Variants in BCAS3 observed in about 807,000 individuals in gnomAD.
The protein encoded by BCAS3 is BCAS3 microtubule associated cell migration factor.
In BCAS3, 53 loss-of-function variants were observed where a neutral mutation model predicts 116.1. The observed-to-expected ratio is 0.46, with a 90% CI of 0.37 to 0.57. The LOEUF is 0.57. BCAS3 is among the 20% of genes least tolerant of loss of function. The pLI is 0.00. For synonymous variants in BCAS3, 391 were observed against 408.2 expected (o/e 0.96, Z 0.51); for missense variants, 917 against 1,165.4 (o/e 0.79, Z 3.10).
intron 22 of BCAS3, among the ~76,000 whole-genome samples, chr17:61,148,282 C>T (rs2077354739): frequency 1.3e-5 from 2 of 152,302 alleles, no homozygotes; most frequent in African/African-American, 4.8e-5. Flanking sequence ...TTGGAGCCAA[C>T]TCATTTTATT....
chr17:61,321,674 A>T (rs1042488092), intron 22 of BCAS3, among the ~76,000 whole-genome samples: 1 of 152,086 alleles, frequency 6.6e-6, no homozygotes. Flanking sequence ...ATCATCAGGG[A>T]TTCTTCACAA....
In BCAS3 at chr17:61,128,374, AT is replaced by A. The variant is rs1223856140; in HGVS notation, c.2425+43813del. The A allele has an allele frequency of 2.0e-6, 2 of 985,438 alleles. No homozygotes were observed. Among genetic ancestry groups the A allele is most frequent in the Admixed American group, 1.2e-4 (2 of 16,286 alleles). 61.0% of individuals were successfully genotyped at this position (985,438 alleles called of 1,614,324 possible). A position where few individuals can be genotyped will look rare whatever the true frequency, so the allele number is the denominator to read the frequency against. On this transcript the variant is annotated intron_variant, in intron 22 of 23. Coordinates refer to ENST00000407086, the MANE Select transcript of BCAS3 (RefSeq NM_017679.5). The surrounding 1 kb of genome is among the most constrained non-coding windows in gnomAD (Gnocchi z 4.1). ...TCTTATTTGTTTGATGTACAGGCTT[AT>A]TTAAGTGAAAGGTGGGACACCAGTA... is the stretch of plus-strand genomic sequence containing the variant.
In BCAS3 at chr17:61,271,196, C is replaced by T. The variant is rs552306232; in HGVS notation, c.2426-97131C>T. Among the ~76,000 whole-genome samples, 176 of 135,414 alleles carry T rather than the reference C, an allele frequency of 1.3e-3. No homozygotes were observed. The South Asian group carries it at 0.02, about 16-fold the overall frequency. 88.8% of individuals were successfully genotyped at this position (135,414 alleles called of 152,430 possible). A position where few individuals can be genotyped will look rare whatever the true frequency, so the allele number is the denominator to read the frequency against. On this transcript the variant is annotated intron_variant, in intron 22 of 23. Coordinates refer to ENST00000407086, the MANE Select transcript of BCAS3 (RefSeq NM_017679.5). The stretch of plus-strand genomic sequence containing the variant: ...AGGCTGGAGTACAGTGGCACCATCT[C>T]GGTTCACTGCAACCTCTGCCTCCTG...
At chr17:60,798,646 A>G (rs189159025) in intron 6 of BCAS3, among the ~76,000 whole-genome samples, 16 of 152,340 alleles carry the variant, frequency 1.1e-4, no homozygotes, top group Middle Eastern at 3.4e-3. Flanking sequence ...TGTCATAAAC[A>G]TTGTGTGCAG....
intron 19 of BCAS3, among the ~76,000 whole-genome samples, chr17:61,059,054 T>C (rs2069690652): frequency 1.4e-5 from 2 of 142,842 alleles, no homozygotes; most frequent in Non-Finnish European, 1.5e-5. Flanking sequence ...AACTCTTTTT[T>C]CTCCCCATCT....
chr17:60,726,391 G>A (rs1003453861), intron 5 of BCAS3, among the ~76,000 whole-genome samples: 1 of 148,174 alleles, frequency 6.7e-6, no homozygotes, highest in Non-Finnish European at 1.5e-5. Context: ...GTGGAGACAG[G>A]GTTTCTCCAT....
intron 7 of BCAS3, among the ~76,000 whole-genome samples, chr17:60,825,636 C>T (rs1027262160): frequency 2.7e-5 from 4 of 150,376 alleles, no homozygotes; most frequent in East Asian, 1.9e-4. Context: ...AAGGCAGTGG[C>T]AGGTTTGGTG....
intron 6 of BCAS3, among the ~76,000 whole-genome samples, chr17:60,791,927 A>G (rs1435305994): frequency 2.0e-5 from 3 of 152,086 alleles, no homozygotes; most frequent in East Asian, 3.9e-4. Context: ...GTTCAAGACC[A>G]GCCTGGCCAA....
At chr17:61,305,572 A>G (rs1416334599) in intron 22 of BCAS3, among the ~76,000 whole-genome samples, 1 of 152,220 alleles carries the variant, frequency 6.6e-6, no homozygotes. Flanking sequence ...TCTGCTCAGA[A>G]GAGCCACTAG....
rs972849706 is a variant in BCAS3 at position 61,097,768 on chromosome 17, A to G, written c.2425+13204A>G. Among the ~76,000 whole-genome samples the G allele has an allele frequency of 2.6e-5, 4 of 152,240 alleles. No individual in the cohort carries two copies. The highest frequency in any genetic ancestry group is 5.9e-5 in the Non-Finnish European group (4 of 68,044). ...ATCAAGGTCCATTTTAGCAATAGTC[A>G]AAGAACAGGACTTAGGACACCTAGC... On this transcript the variant is annotated intron_variant, in intron 22 of 23. Coordinates refer to ENST00000407086, the MANE Select transcript of BCAS3 (RefSeq NM_017679.5). This position sits in a 1 kb window ranked among gnomAD's most constrained non-coding sequence, Gnocchi z 4.0.
intron 6 of BCAS3, among the ~76,000 whole-genome samples, chr17:60,806,983 T>C (rs576170231): frequency 2.0e-5 from 3 of 152,286 alleles, no homozygotes; most frequent in African/African-American, 4.8e-5. Flanking sequence ...ACTCTGGATA[T>C]TCTTGTATTA....
chr17:60,963,641 C>T lies in BCAS3; in HGVS notation c.1221+16289C>T, dbSNP rs576945535. Among the ~76,000 whole-genome samples the T allele has an allele frequency of 4.0e-5, 6 of 151,322 alleles. No individual in the cohort carries two copies. In the East Asian group the frequency reaches 7.8e-4, roughly 20 times the overall value. On this transcript the variant is annotated intron_variant, in intron 14 of 23. Transcript: ENST00000407086. ...CGCAATCTCAGCTCACTGCAAGCTC[C>T]GCCTCCCAGGTTCATGCCATTCTCC...
At chr17:60,898,388 T>C (rs749518222) in intron 10 of BCAS3, among the ~76,000 whole-genome samples, 3 of 152,222 alleles carry the variant, frequency 2.0e-5, no homozygotes, top group African/African-American at 4.8e-5. Context: ...GATATATCTA[T>C]AGTACTGGTT....
Position 61,228,556 on chromosome 17 carries a change from T to A in BCAS3, c.2426-139771T>A, listed in dbSNP as rs950596638. ...CATGTGCTCACTTCGTGTCTCTGTG[T>A]CATACTATGGTAATTGTCACCAGCT... On this transcript the variant is annotated intron_variant, in intron 22 of 23. Coordinates refer to ENST00000407086, the MANE Select transcript of BCAS3 (RefSeq NM_017679.5). The surrounding 1 kb of genome is among the most constrained non-coding windows in gnomAD (Gnocchi z 5.0). Among the ~76,000 whole-genome samples the A allele has an allele frequency of 3.3e-5, 5 of 152,252 alleles. No individual in the cohort carries two copies. The highest frequency in any genetic ancestry group is 1.2e-4 in the African/African-American group (5 of 41,472).
At chr17:60,776,571 T>C (rs2045305932) in intron 6 of BCAS3, among the ~76,000 whole-genome samples, 1 of 151,222 alleles carries the variant, frequency 6.6e-6, no homozygotes, top group South Asian at 2.1e-4. Context: ...ATACAAAAAT[T>C]AGCCAGGCAT....
intron 15 of BCAS3, chr17:61,002,769 G>A (rs1163340022): frequency 1.3e-5 from 2 of 151,972 alleles, no homozygotes; most frequent in African/African-American, 4.8e-5. Flanking sequence ...TATTCTCTAT[G>A]TGTTGCTATT....
chr17:61,072,014 A>C (rs988875523), intron 19 of BCAS3, among the ~76,000 whole-genome samples: 2 of 152,106 alleles, frequency 1.3e-5, no homozygotes, highest in Non-Finnish European at 2.9e-5. Context: ...CACCAGATTT[A>C]TTTTTTATAT....
At chr17:61,102,836 G>A (rs2074410022) in intron 22 of BCAS3, among the ~76,000 whole-genome samples, 1 of 152,126 alleles carries the variant, frequency 6.6e-6, no homozygotes. Context: ...CTCATTAAAT[G>A]TCAGTTGTCA....
rs1313471421 is a variant in BCAS3 at position 60,993,883 on chromosome 17, T to C, written c.1486+3648T>C. Among the ~76,000 whole-genome samples the C allele has an allele frequency of 6.6e-6, 1 of 152,140 alleles. No individual in the cohort carries two copies. The highest frequency in any genetic ancestry group is 2.4e-5 in the African/African-American group (1 of 41,444). On this transcript the variant is annotated intron_variant, in intron 15 of 23. Coordinates refer to ENST00000407086, the MANE Select transcript of BCAS3 (RefSeq NM_017679.5). This position sits in a 1 kb window ranked among gnomAD's most constrained non-coding sequence, Gnocchi z 4.2. ...TAGGATTATTTTATCTATTTGCCAA[T>C]TTTTTTAACTTTCCAGAGGATGTTT...
Sources: gnomAD v4.1 joint callset for allele counts (sites outside exome capture counted in the v4.1 genomes callset) on GRCh38, gnomAD v4.1.1 for gene constraint, Gnocchi (gnomAD v3.1) non-coding constraint, MANE v1.5 for transcripts, NCBI Gene and HGNC (gene_info 2026-07-23, HGNC 2026-07-21) for gene names.